Variants in GPR143 observed in about 807,000 individuals in gnomAD.
GPR143 encodes G protein-coupled receptor 143, also known as G-protein coupled receptor 143.
In GPR143, 8 loss-of-function variants were observed where a neutral mutation model predicts 27.6. The observed-to-expected ratio is 0.29, with a 90% CI of 0.17 to 0.52. The LOEUF (loss-of-function observed/expected upper bound fraction) is 0.52, where lower values mean the gene tolerates loss of function less well. Ranked by LOEUF, GPR143 falls within the 20% of genes least tolerant of loss-of-function variation. The pLI, the probability that GPR143 is intolerant of heterozygous loss-of-function variation, is 0.96. For synonymous variants in GPR143, 156 were observed against 153.2 expected, an observed-to-expected ratio of 1.02 and a Z score of -0.13; for missense variants, 303 against 343.1, an observed-to-expected ratio of 0.88 and a Z score of 0.92.
Position 9,746,099 on chromosome X carries a change from G to T in GPR143, c.603C>A (p.Pro201=). The T allele has an allele frequency of 8.3e-7, 1 of 1,205,755 alleles. No individual in the cohort carries two copies. The highest frequency in any genetic ancestry group is 1.1e-6 in the Non-Finnish European group (1 of 889,980). Reference sequence around the variant, plus strand: ...GGTTCGCCACGAGAACCAGCAGCAGGGGCAGGTACATGGTGACATAGTGGG... The same window carrying T: ...GGTTCGCCACGAGAACCAGCAGCAGTGGCAGGTACATGGTGACATAGTGGG... ...AIPHYVTMYL[P]LLLVLVANPI... The change falls in exon 5 of 9, where the codon CCC becomes CCA. Residue 201 remains proline, a synonymous_variant. Coordinates refer to ENST00000467482, the MANE Select transcript of GPR143 (RefSeq NM_000273.3).
At chrX:9,754,960 A>G (rs928156606) in intron 3 of GPR143, among the ~76,000 whole-genome samples, 8 of 111,981 alleles carry the variant, frequency 7.1e-5, no homozygotes, top group African/African-American at 2.3e-4. Flanking sequence ...AGACATGCCA[A>G]TCATGAGAGC....
chrX:9,765,673 G>C lies in GPR143; in HGVS notation c.145C>G (p.Leu49Val). The change falls in exon 1 of 9, where the codon CTG becomes GTG. Residue 49 changes from leucine (L) to valine (V), a missense_variant. Coordinates refer to ENST00000467482, the MANE Select transcript of GPR143 (RefSeq NM_000273.3). ...GGGCCCGCGGGCCGGCGGCCGGGCA[G>C]CAGCTGCAGAAGGCCCAGCGCCAAG... ...LRLALGLLQL[L>V]PGRRPAGPGS... The C allele has an allele frequency of 9.8e-7, 1 of 1,025,586 alleles. No homozygotes were observed. Among genetic ancestry groups the C allele is most frequent in the Non-Finnish European group, 1.2e-6 (1 of 806,905 alleles). 84.5% of individuals were successfully genotyped at this position (1,025,586 alleles called of 1,213,427 possible).
intron 1 of GPR143, among the ~76,000 whole-genome samples, chrX:9,774,830 A>G (rs1274661923): frequency 9.2e-6 from 1 of 108,135 alleles, no homozygotes; most frequent in Admixed American, 9.9e-5. Context: ...CTCTGCAAAT[A>G]TTCCACATAA....
chrX:9,744,611 A>C (rs900998878), intron 5 of GPR143, among the ~76,000 whole-genome samples: 1 of 111,404 alleles, frequency 9.0e-6, no homozygotes, highest in Admixed American at 9.6e-5. Flanking sequence ...AGGCTGAGGC[A>C]GGAGAATCGC....
chrX:9,725,860 AGACT>A lies in GPR143; in HGVS notation c.1121-24_1121-21del, dbSNP rs1208933576. The A allele has an allele frequency of 6.7e-6, 8 of 1,200,855 alleles. No individual in the cohort carries two copies. The highest frequency in any genetic ancestry group is 1.8e-5 in the African/African-American group (1 of 56,342). On this transcript the variant is annotated intron_variant, in intron 8 of 8. Transcript: ENST00000467482. ...CAGAACCTGGAGAGGAAAAGACAAA[AGACT>A]GACTGTGTCTGTGTCCTAGCAGGTT...
At chrX:9,733,187 T>C (rs1218871573) in intron 8 of GPR143, among the ~76,000 whole-genome samples, 1 of 110,587 alleles carries the variant, frequency 9.0e-6, no homozygotes, top group East Asian at 2.9e-4. Flanking sequence ...ACGAAAGGAA[T>C]TGTGGGAGAC....
Position 9,741,405 on chromosome X carries a change from T to C in GPR143, c.818A>G (p.Gln273Arg). 1 of 1,167,799 alleles carries C rather than the reference T, an allele frequency of 8.6e-7. No individual in the cohort carries two copies. The highest frequency in any genetic ancestry group is 1.2e-6 in the Non-Finnish European group (1 of 855,523). ...NESLLFYLEM[Q>R]TDINGGSLKP... ...CAAAGAACCTCCATTGATATCTGTT[T>C]GCATCTCAAGATAGAATAAAAGGCT... Residue 273 changes from glutamine to arginine, a missense_variant, in exon 7 of 9, where the codon CAA (glutamine) becomes CGA (arginine). Transcript: ENST00000467482.
chrX:9,731,526 G>T (rs1440577616), intron 8 of GPR143, among the ~76,000 whole-genome samples: 2 of 111,441 alleles, frequency 1.8e-5, no homozygotes, highest in African/African-American at 6.5e-5. Context: ...GGAAAAAATG[G>T]TGGAAAACTG....
At chrX:9,738,818 T>C (rs1392372465) in intron 8 of GPR143, among the ~76,000 whole-genome samples, 1 of 112,079 alleles carries the variant, frequency 8.9e-6, no homozygotes, top group Non-Finnish European at 1.9e-5. Flanking sequence ...CGACGGGTTT[T>C]CACCATGTTG....
chrX:9,753,937 TC>T (rs2083462879), intron 3 of GPR143, among the ~76,000 whole-genome samples: 1 of 111,594 alleles, frequency 9.0e-6, no homozygotes, highest in African/African-American at 3.3e-5. Flanking sequence ...TCTTTGTACT[TC>T]CATACACCCC....
chrX:9,729,453 C>T (rs1217972432), intron 8 of GPR143, among the ~76,000 whole-genome samples: 3 of 111,603 alleles, frequency 2.7e-5, no homozygotes, highest in Non-Finnish European at 5.6e-5. Flanking sequence ...CTTTCATCCT[C>T]TCCCTAGGGC....
At chrX:9,726,210 T>G (rs1157558826) in intron 8 of GPR143, among the ~76,000 whole-genome samples, 5 of 110,473 alleles carry the variant, frequency 4.5e-5, no homozygotes, top group Admixed American at 1.9e-4. Context: ...CAGAACACAC[T>G]CTTGTGACCA....
At chrX:9,741,515 G>T in intron 6 of GPR143, 60 bp from the exon 7 acceptor site, 1 of 585,581 alleles carries the variant, frequency 1.7e-6, no homozygotes, top group Non-Finnish European at 3.0e-6. Context: ...GTTTTTAAAT[G>T]CTGGAGAGTC....
upstream of GPR143, chrX:9,766,087 T>C (rs1316195970): frequency 8.6e-6 from 2 of 231,765 alleles, no homozygotes; most frequent in African/African-American, 5.8e-5. Context: ...AGGAGGGAAG[T>C]GGAAGGAGAA....
intron 8 of GPR143, among the ~76,000 whole-genome samples, chrX:9,733,778 GTAGAAAA>G: frequency 9.0e-6 from 1 of 111,452 alleles, no homozygotes; most frequent in South Asian, 3.7e-4. Context: ...ACAGATTGTG[GTAGAAAA>G]TAGATTATAG....
At chrX:9,777,624 A>T (rs1442354936) in intron 1 of GPR143, among the ~76,000 whole-genome samples, 1 of 111,348 alleles carries the variant, frequency 9.0e-6, no homozygotes, top group African/African-American at 3.3e-5. Flanking sequence ...TCTCAAAAAA[A>T]CAAAAAAAAG....
chrX:9,725,592 C>A lies in GPR143; in HGVS notation c.*154G>T, dbSNP rs764783159. The A allele has an allele frequency of 4.7e-5, 22 of 470,403 alleles. No individual in the cohort carries two copies. The highest frequency in any genetic ancestry group is 7.9e-5 in the Non-Finnish European group (21 of 266,807). 38.8% of individuals were successfully genotyped at this position (470,403 alleles called of 1,213,427 possible). ...TGAACCCTTTCTCCTATCCTAAAGG[C>A]CCTTCGGGAAGAAGCTCTAGCTGGT... On this transcript the variant is annotated 3_prime_UTR_variant, in exon 9 of 9. Transcript: ENST00000467482.
At position 9,752,922 on chromosome X, in the gene GPR143, G is replaced by A. The variant is rs187268874; in HGVS notation, c.456-4256C>T. On this transcript the variant is annotated intron_variant, in intron 3 of 8. Coordinates refer to ENST00000467482, the MANE Select transcript of GPR143 (RefSeq NM_000273.3). The stretch of plus-strand genomic sequence containing the variant: ...TGGGAGCTGGGCGTGGCTGGAGTGG[G>A]GAGGGTGAGAGACGACAGAGGGAGC... Among the ~76,000 whole-genome samples, 666 of 111,139 alleles carry A rather than the reference G, an allele frequency of 6.0e-3. 3 individuals carry two copies. Among genetic ancestry groups the A allele is most frequent in the African/African-American group, 0.021 (633 of 30,580 alleles).
chrX:9,742,127 C>A (rs73484564), intron 6 of GPR143, among the ~76,000 whole-genome samples: 4,180 of 111,251 alleles, frequency 0.038, 207 homozygotes, highest in African/African-American at 0.13. Flanking sequence ...TTTTTTCTTG[C>A]CATTTTATAA....
Sources: allele counts gnomAD v4.1 joint callset (sites outside exome capture counted in the v4.1 genomes callset), GRCh38; gene constraint gnomAD v4.1.1; transcripts MANE v1.5; gene names NCBI Gene and HGNC (gene_info 2026-07-23, HGNC 2026-07-21).